SLC39A12: variants seen among roughly 807,000 people sequenced by gnomAD.
SLC39A12 encodes solute carrier family 39 member 12.
A neutral mutation model predicts 71.1 loss-of-function variants in SLC39A12; 63 were observed. The ratio of observed to expected loss-of-function variants is 0.89; its 90% CI spans 0.72 to 1.09. SLC39A12 has a LOEUF of 1.09. SLC39A12 is among the 50% of genes least tolerant of loss of function. The probability of loss-of-function intolerance (pLI) is 0.00; values close to 1 mark genes in which losing one functional copy is unlikely to be tolerated. For synonymous variants in SLC39A12, 351 were observed against 301.3 expected, an observed-to-expected ratio of 1.16 and a Z score of -1.71; for missense variants, 892 against 812.6, an observed-to-expected ratio of 1.10 and a Z score of -1.19.
At position 18,042,896 on chromosome 10, in the gene SLC39A12, C is replaced by A; in HGVS notation, c.*63C>A. On this transcript the variant is annotated 3_prime_UTR_variant, in exon 13 of 13. Coordinates refer to ENST00000377369, the MANE Select transcript of SLC39A12 (RefSeq NM_001145195.2). ...TAGTCTTACTTTGTTTCTTTCATTG[C>A]ACTCTATAATGATTTTTAAATTAAG... The A allele has an allele frequency of 2.1e-6, 3 of 1,410,194 alleles. No individual in the cohort carries two copies. The highest frequency in any genetic ancestry group is 2.9e-6 in the Non-Finnish European group (3 of 1,042,656). 87.4% of individuals were successfully genotyped at this position (1,410,194 alleles called of 1,614,324 possible). A position where few individuals can be genotyped will look rare whatever the true frequency, so the allele number is the denominator to read the frequency against.
At position 18,008,392 on chromosome 10, in the gene SLC39A12, C is replaced by A. The variant is rs370346833; in HGVS notation, c.1947+5034C>A. Among the ~76,000 whole-genome samples, 4 of 152,062 alleles carry A rather than the reference C, an allele frequency of 2.6e-5. No individual in the cohort carries two copies. The South Asian group carries it at 8.3e-4, about 32-fold the overall frequency. On this transcript the variant is annotated intron_variant, in intron 12 of 12. Transcript: ENST00000377369. ...ATCTCCCATCACCTCCAGATGGGGC[C>A]GACTAGTTGCAGGAAAACAAGCTTA...
At position 18,013,040 on chromosome 10, in the gene SLC39A12, C is replaced by A. The variant is rs1589248103; in HGVS notation, c.1947+9682C>A. Among the ~76,000 whole-genome samples, 3 of 151,990 alleles carry A rather than the reference C, an allele frequency of 2.0e-5. No homozygotes were observed. In the East Asian group the frequency reaches 5.8e-4, roughly 29 times the overall value. The stretch of plus-strand genomic sequence containing the variant: ...GTAATGACAATGAATCTTTACCAGG[C>A]AGCAAGTGACATCTCTTATTATCAC... On this transcript the variant is annotated intron_variant, in intron 12 of 12. Transcript: ENST00000377369.
In SLC39A12 at chr10:18,041,623, GTATATATGTGTA is replaced by G. The variant is rs1414345240; in HGVS notation, c.1948-1072_1948-1061del. The stretch of plus-strand genomic sequence containing the variant: ...TGTGTATATATATGTATATACATAT[GTATATATGTGTA>G]TATATATGTATATACATATGTATAT... On this transcript the variant is annotated intron_variant, in intron 12 of 12. Transcript: ENST00000377369. Among the ~76,000 whole-genome samples the G allele has an allele frequency of 2.5e-5, 3 of 118,082 alleles. 1 individual carries two copies. The highest frequency in any genetic ancestry group is 6.8e-5 in the African/African-American group (2 of 29,356). 77.5% of individuals were successfully genotyped at this position (118,082 alleles called of 152,430 possible).
chr10:17,983,280 C>T (rs996154712), intron 6 of SLC39A12, among the ~76,000 whole-genome samples: 13 of 151,192 alleles, frequency 8.6e-5, no homozygotes, highest in South Asian at 2.1e-4. Flanking sequence ...TACTTGAGCC[C>T]GAGAGTTTGA....
chr10:17,979,737 G>C (rs1389681752), intron 5 of SLC39A12, among the ~76,000 whole-genome samples: 1 of 152,180 alleles, frequency 6.6e-6, no homozygotes, highest in East Asian at 1.9e-4. Flanking sequence ...CAGGAGTGAG[G>C]TTGGCACCCA....
chr10:18,034,273 T>A (rs11012297), intron 12 of SLC39A12, among the ~76,000 whole-genome samples: 71,197 of 147,278 alleles, frequency 0.48, 18,022 homozygotes, highest in Non-Finnish European at 0.57. Context: ...CCATTATTAA[T>A]GTGTGGGAGT....
At position 18,041,779 on chromosome 10, in the gene SLC39A12, A is replaced by G. The variant is rs547319669; in HGVS notation, c.1948-926A>G. Among the ~76,000 whole-genome samples the G allele has an allele frequency of 4.8e-5, 7 of 146,446 alleles. No individual in the cohort carries two copies. In the East Asian group the frequency reaches 5.9e-4, roughly 12 times the overall value. ...TGTGTATACATATGTATACATATGT[A>G]TATACATATGTGTCTATATGTATAT... On this transcript the variant is annotated intron_variant, in intron 12 of 12. Transcript: ENST00000377369.
intron 7 of SLC39A12, among the ~76,000 whole-genome samples, chr10:17,990,721 A>G (rs1049236556): frequency 6.6e-6 from 1 of 152,180 alleles, no homozygotes; most frequent in African/African-American, 2.4e-5. Flanking sequence ...TTTGATTGCT[A>G]TGGGGCATGA....
rs1589233057 is a variant in SLC39A12, at chr10:17,987,639, C to T, written c.1257C>T (p.His419=). ...CACTGTCTGGGGACGCTCTGCTCCA[C>T]CTTATCCCTCAGGTAATCTGGTCTT... is the stretch of plus-strand genomic sequence containing the variant. The part of the protein sequence containing the change: ...VGTLSGDALL[H]LIPQVLGLHK... The change falls in exon 7 of 13, where the codon CAC becomes CAT. Residue 419 remains histidine (H), a synonymous_variant. Transcript: ENST00000377369. 1.9e-6 allele frequency: 3 copies of T among 1,614,144 alleles called. No individual in the cohort carries two copies. The highest frequency in any genetic ancestry group is 1.7e-5 in the Admixed American group (1 of 60,020).
chr10:17,973,088 A>G (rs1274898549), intron 4 of SLC39A12, among the ~76,000 whole-genome samples: 2 of 152,276 alleles, frequency 1.3e-5, no homozygotes, highest in South Asian at 2.1e-4. Context: ...CACTGTTTGT[A>G]TAAACAAAAA....
chr10:18,041,963 C>T (rs1299982210), intron 12 of SLC39A12, among the ~76,000 whole-genome samples: 1 of 150,890 alleles, frequency 6.6e-6, no homozygotes, highest in Non-Finnish European at 1.5e-5. Context: ...TTCTAAAGAT[C>T]AGGAGGATCT....
At chr10:17,967,665 T>C (rs1834862166) in intron 4 of SLC39A12, among the ~76,000 whole-genome samples, 1 of 151,706 alleles carries the variant, frequency 6.6e-6, no homozygotes, top group African/African-American at 2.4e-5. Flanking sequence ...GGGTGGATCA[T>C]GAGGTCAGGA....
At position 17,983,065 on chromosome 10, in the gene SLC39A12, T is replaced by A. The variant is rs1359899268; in HGVS notation, c.1096+1582T>A. ...TAAAAAAAAAAATAGCCGGGCATGC[T>A]GGTGGGCGGCTGTAGTCCCAGCTAC... On this transcript the variant is annotated intron_variant, in intron 6 of 12. Coordinates refer to ENST00000377369, the MANE Select transcript of SLC39A12 (RefSeq NM_001145195.2). Among the ~76,000 whole-genome samples the A allele has an allele frequency of 3.6e-5, 5 of 140,662 alleles. No individual in the cohort carries two copies. In the South Asian group the frequency reaches 1.2e-3, roughly 33 times the overall value. 92.3% of individuals were successfully genotyped at this position (140,662 alleles called of 152,430 possible).
intron 10 of SLC39A12, among the ~76,000 whole-genome samples, chr10:18,000,442 T>C (rs1835800097): frequency 1.3e-5 from 2 of 152,210 alleles, no homozygotes; most frequent in Non-Finnish European, 2.9e-5. Flanking sequence ...AGCATGTAAT[T>C]TATCTCATTA....
Position 17,981,453 on chromosome 10 carries a change from C to A in SLC39A12, c.1066C>A (p.Gln356Lys), listed in dbSNP as rs750566813. 2 of 1,613,388 alleles carry A rather than the reference C, an allele frequency of 1.2e-6. No individual in the cohort carries two copies. The highest frequency in any genetic ancestry group is 2.2e-5 in the East Asian group (1 of 44,878). ...CTCCTGCCACTTACCCAAGGACCAA[C>A]AAGCAAAGCTGCCACCTACCACTCT... Reference protein sequence around the residue: ...SCSCHLPKDQQAKLPPTTLEK... With the variant: ...SCSCHLPKDQKAKLPPTTLEK... The change falls in exon 6 of 13, where the codon CAA becomes AAA. Residue 356 changes from glutamine to lysine, a missense_variant. Physicochemically the swap from Gln to Lys is moderately conservative, Grantham distance 53. Transcript: ENST00000377369.
At chr10:17,952,613 A>T (rs1389930196) in intron 1 of SLC39A12, among the ~76,000 whole-genome samples, 3 of 148,658 alleles carry the variant, frequency 2.0e-5, no homozygotes, top group African/African-American at 7.5e-5. Context: ...TCAGCCTCCC[A>T]TGTAACTGGG....
chr10:18,020,813 G>C (rs1435863566), intron 12 of SLC39A12, among the ~76,000 whole-genome samples: 1 of 151,730 alleles, frequency 6.6e-6, no homozygotes, highest in Non-Finnish European at 1.5e-5. Flanking sequence ...TTTTTAATGG[G>C]GCCATTTGTT....
intron 7 of SLC39A12, among the ~76,000 whole-genome samples, chr10:17,988,219 A>G (rs1206735954): frequency 6.6e-6 from 1 of 152,182 alleles, no homozygotes; most frequent in Non-Finnish European, 1.5e-5. Context: ...GAGACAGGAG[A>G]ATCGCTTGAA....
chr10:17,999,584 T>C (rs1485826041), intron 10 of SLC39A12, among the ~76,000 whole-genome samples: 1 of 152,144 alleles, frequency 6.6e-6, no homozygotes, highest in African/African-American at 2.4e-5. Flanking sequence ...TTCTGTCCAT[T>C]AAAAAGCTGA....
Sources: gnomAD v4.1 joint callset for allele counts (sites outside exome capture counted in the v4.1 genomes callset) on GRCh38, gnomAD v4.1.1 for gene constraint, MANE v1.5 for transcripts, NCBI Gene and HGNC (gene_info 2026-07-23, HGNC 2026-07-21) for gene names.